Variants in RABGAP1L observed in about 807,000 individuals in gnomAD.
RABGAP1L encodes the protein rab GTPase-activating protein 1-like.
Under a neutral mutation model 137.7 loss-of-function variants are expected in RABGAP1L, and 63 were observed. That is an observed-to-expected ratio of 0.46 (90% CI 0.37 to 0.56). The LOEUF is 0.56. Ranked by LOEUF, RABGAP1L falls within the 20% of genes least tolerant of loss-of-function variation. The probability of loss-of-function intolerance (pLI) is 0.00; values close to 1 mark genes in which losing one functional copy is unlikely to be tolerated. For synonymous variants in RABGAP1L, 431 were observed against 433.7 expected, an observed-to-expected ratio of 0.99 and a Z score of 0.08; for missense variants, 1,095 against 1,244.0, an observed-to-expected ratio of 0.88 and a Z score of 1.80.
At chr1:174,328,345 C>T (rs1280987515) in intron 11 of RABGAP1L, among the ~76,000 whole-genome samples, 2 of 151,946 alleles carry the variant, frequency 1.3e-5, no homozygotes, top group Non-Finnish European at 2.9e-5. Context: ...TTATATCAAG[C>T]GTTTTTTCTG....
chr1:174,840,587 G>A lies in RABGAP1L; in HGVS notation c.2340+28627G>A, dbSNP rs1284523346. Among the ~76,000 whole-genome samples, 6 of 150,318 alleles carry A rather than the reference G, an allele frequency of 4.0e-5. No individual in the cohort carries two copies. In the South Asian group the frequency reaches 6.3e-4, roughly 16 times the overall value. Reference sequence around the variant, plus strand: ...AGCACTTTGGGAGGCTGAGGCGTGCGGATCACCTGAGGTCAGGAGCTCAAA... The same window carrying A: ...AGCACTTTGGGAGGCTGAGGCGTGCAGATCACCTGAGGTCAGGAGCTCAAA... On this transcript the variant is annotated intron_variant, in intron 19 of 25. Transcript: ENST00000681986.
intron 1 of RABGAP1L, among the ~76,000 whole-genome samples, chr1:174,171,124 G>C (rs1435147483): frequency 2.0e-5 from 3 of 152,172 alleles, no homozygotes; most frequent in Non-Finnish European, 4.4e-5. Flanking sequence ...TTTCTGCAAT[G>C]AGGAGTATAT....
intron 13 of RABGAP1L, among the ~76,000 whole-genome samples, chr1:174,580,993 C>G (rs944622416): frequency 2.0e-5 from 3 of 152,134 alleles, no homozygotes; most frequent in East Asian, 1.9e-4. Context: ...CCACTTCACA[C>G]CCACTAATAT....
rs1008262953 is a variant in RABGAP1L, at chr1:174,945,442, A to G, written c.2341-12015A>G. On this transcript the variant is annotated intron_variant, in intron 19 of 25. Transcript: ENST00000681986. ...ATCCAACATGGTATACTAACTTGAT[A>G]TTATTGCTTCTTAATTTTTGCAAAG... The G allele has an allele frequency of 6.6e-5, 10 of 152,338 alleles. No individual in the cohort carries two copies. In the East Asian group the frequency reaches 7.7e-4, roughly 12 times the overall value. The allele number at this position is 152,338 out of a possible 1,614,324, so 9.4% of individuals were successfully genotyped here.
chr1:174,357,177 A>C (rs1364803659), intron 11 of RABGAP1L, among the ~76,000 whole-genome samples: 1 of 152,142 alleles, frequency 6.6e-6, no homozygotes, highest in Non-Finnish European at 1.5e-5. Context: ...CTAATGTTAA[A>C]ATTTATAGAG....
intron 13 of RABGAP1L, among the ~76,000 whole-genome samples, chr1:174,609,495 C>T (rs75436586): frequency 5.3e-5 from 8 of 152,020 alleles, no homozygotes; most frequent in Non-Finnish European, 8.8e-5. Flanking sequence ...GAATTTCAAA[C>T]GAGAGGAGGA....
At chr1:174,823,695 A>G (rs1691276074) in intron 19 of RABGAP1L, among the ~76,000 whole-genome samples, 1 of 152,238 alleles carries the variant, frequency 6.6e-6, no homozygotes. Flanking sequence ...GTACTTCAAA[A>G]TAGAAGATTC....
At chr1:174,492,844 C>T (rs1174471004) in intron 13 of RABGAP1L, among the ~76,000 whole-genome samples, 3 of 151,880 alleles carry the variant, frequency 2.0e-5, no homozygotes, top group African/African-American at 7.3e-5. Flanking sequence ...GGGTTTCTTC[C>T]TTCATCACTC....
intron 17 of RABGAP1L, among the ~76,000 whole-genome samples, chr1:174,722,568 G>T (rs1681652642): frequency 6.6e-6 from 1 of 151,838 alleles, no homozygotes; most frequent in South Asian, 2.1e-4. Context: ...CCCTGCCTCA[G>T]CCTCCCAAGT....
chr1:174,298,532 G>C (rs937348125), intron 10 of RABGAP1L, among the ~76,000 whole-genome samples: 1 of 152,102 alleles, frequency 6.6e-6, no homozygotes, highest in African/African-American at 2.4e-5. Flanking sequence ...GGATCCTTCA[G>C]ATCCAATTTT....
chr1:174,372,924 A>C (rs1216187512), intron 12 of RABGAP1L, among the ~76,000 whole-genome samples: 1 of 152,190 alleles, frequency 6.6e-6, no homozygotes, highest in Non-Finnish European at 1.5e-5. Flanking sequence ...TCAAAGACAA[A>C]GGCACACACT....
intron 19 of RABGAP1L, among the ~76,000 whole-genome samples, chr1:174,827,491 C>G (rs1691698744): frequency 6.7e-6 from 1 of 149,326 alleles, no homozygotes; most frequent in African/African-American, 2.4e-5. Flanking sequence ...CAGTGTTGTT[C>G]TCATAGTAAC....
chr1:174,634,905 G>C (rs1387576932), intron 13 of RABGAP1L, among the ~76,000 whole-genome samples: 1 of 111,490 alleles, frequency 9.0e-6, no homozygotes, highest in Non-Finnish European at 1.8e-5. Context: ...AGGGGGGAGG[G>C]ATAGCATTGG....
intron 13 of RABGAP1L, among the ~76,000 whole-genome samples, chr1:174,568,603 G>A (rs1453680831): frequency 6.6e-6 from 1 of 152,176 alleles, no homozygotes; most frequent in Non-Finnish European, 1.5e-5. Flanking sequence ...GGAGTTGTAA[G>A]TGATTATGGC....
chr1:174,858,160 G>A (rs1170790397), intron 19 of RABGAP1L, among the ~76,000 whole-genome samples: 2 of 152,002 alleles, frequency 1.3e-5, no homozygotes, highest in African/African-American at 4.8e-5. Context: ...TTACAGGCAT[G>A]TGCCACCATG....
At chr1:174,840,547 C>G (rs1693261528) in intron 19 of RABGAP1L, among the ~76,000 whole-genome samples, 1 of 150,954 alleles carries the variant, frequency 6.6e-6, no homozygotes, top group Admixed American at 6.6e-5. Context: ...CACGGTGACT[C>G]ACGCCTGTAA....
intron 5 of RABGAP1L, among the ~76,000 whole-genome samples, chr1:174,249,714 C>G (rs1258951698): frequency 2.7e-5 from 4 of 150,236 alleles, no homozygotes; most frequent in Admixed American, 6.7e-5. Context: ...GGTGCAATGG[C>G]TCACTGCAAC....
chr1:174,172,298 T>C (rs1392048574), intron 1 of RABGAP1L, among the ~76,000 whole-genome samples: 1 of 151,874 alleles, frequency 6.6e-6, no homozygotes, highest in Non-Finnish European at 1.5e-5. Context: ...TTGTGAATAA[T>C]GCTGCAATGA....
intron 10 of RABGAP1L, among the ~76,000 whole-genome samples, chr1:174,281,121 A>C (rs1432790777): frequency 6.6e-6 from 1 of 152,128 alleles, no homozygotes; most frequent in Non-Finnish European, 1.5e-5. Flanking sequence ...TGCGGACCCA[A>C]AGAGTGAGCA....
Sources: gnomAD v4.1 joint callset for allele counts (sites outside exome capture counted in the v4.1 genomes callset) on GRCh38, gnomAD v4.1.1 for gene constraint, MANE v1.5 for transcripts, NCBI Gene and HGNC (gene_info 2026-07-23, HGNC 2026-07-21) for gene names.